IL7R: variants seen among roughly 807,000 people sequenced by gnomAD.
The protein encoded by IL7R is interleukin-7 receptor subunit alpha.
Under a neutral mutation model 47.0 loss-of-function variants are expected in IL7R, and 38 were observed. The observed-to-expected ratio is 0.81, with a 90% CI of 0.62 to 1.06. IL7R has a LOEUF of 1.06. IL7R is among the 50% of genes least tolerant of loss of function. The pLI is 0.00. For synonymous variants in IL7R, 221 were observed against 199.8 expected, an observed-to-expected ratio of 1.11 and a Z score of -0.89; for missense variants, 633 against 534.8, an observed-to-expected ratio of 1.18 and a Z score of -1.81.
chr5:35,866,055 G>A (rs1455981528), intron 2 of IL7R, among the ~76,000 whole-genome samples: 2 of 152,080 alleles, frequency 1.3e-5, no homozygotes, highest in Non-Finnish European at 2.9e-5. Context: ...ATAGGCTTTT[G>A]TAAATGCTCT....
In IL7R at chr5:35,860,937, C is replaced by T. The variant is rs267600609; in HGVS notation, c.168C>T (p.Thr56=). ...TGAATGGATCGCAGCACTCACTGACCTGTGCTTTTGAGGACCCAGATGTCA... is the reference window on the plus strand; with the variant it reads ...TGAATGGATCGCAGCACTCACTGACTTGTGCTTTTGAGGACCCAGATGTCA... The part of the protein sequence containing the change: ...LEVNGSQHSL[T]CAFEDPDVNI... The change falls in exon 2 of 8, where the codon ACC becomes ACT. Residue 56 remains threonine, a synonymous_variant. Transcript: ENST00000303115. 2 of 1,613,514 alleles carry T rather than the reference C, an allele frequency of 1.2e-6. No homozygotes were observed. Among genetic ancestry groups the T allele is most frequent in the East Asian group, 2.2e-5 (1 of 44,874 alleles).
At position 35,860,403 on chromosome 5, in the gene IL7R, A is replaced by C. The variant is rs144308222; in HGVS notation, c.83-449A>C. Among the ~76,000 whole-genome samples, 1,065 of 152,312 alleles carry C rather than the reference A, an allele frequency of 7.0e-3. 73 individuals are homozygous for C. The highest frequency in any genetic ancestry group is 0.065 in the Admixed American group (995 of 15,280). On this transcript the variant is annotated intron_variant, in intron 1 of 7. Transcript: ENST00000303115. ...CAAAAAAAATACTAGGGAGGGAATA[A>C]ATTATGATTTGTAATAAAGTGAAAA... is the stretch of plus-strand genomic sequence containing the variant.
rs555274790 is a variant in IL7R, at chr5:35,878,746, G to A, written c.*2260G>A. On this transcript the variant is annotated 3_prime_UTR_variant, in exon 8 of 8. Transcript: ENST00000303115. ...GGGAAAACTGGGACACAGGAAGACA[G>A]GTAAATTACCCAACCTCACACGTTA... 25 of 232,902 alleles carry A rather than the reference G, an allele frequency of 1.1e-4. No homozygotes were observed. Among genetic ancestry groups the A allele is most frequent in the Non-Finnish European group, 2.0e-4 (24 of 117,856 alleles). 14.4% of individuals were successfully genotyped at this position (232,902 alleles called of 1,614,324 possible).
intron 2 of IL7R, among the ~76,000 whole-genome samples, chr5:35,865,695 T>C (rs1759922091): frequency 1.3e-5 from 2 of 152,188 alleles, no homozygotes; most frequent in African/African-American, 4.8e-5. Flanking sequence ...TTGATTTGCA[T>C]TTCTCTGATG....
In IL7R at chr5:35,877,747, C is replaced by T. The variant is rs958547633; in HGVS notation, c.*1261C>T. ...CAATCTTGAAGATATACGGAAGAGACGTATTATTAATGCTTGACATATATC... is the reference window on the plus strand; with the variant it reads ...CAATCTTGAAGATATACGGAAGAGATGTATTATTAATGCTTGACATATATC... On this transcript the variant is annotated 3_prime_UTR_variant, in exon 8 of 8. Transcript: ENST00000303115. The T allele has an allele frequency of 5.1e-5, 12 of 233,092 alleles. No homozygotes were observed. The highest frequency in any genetic ancestry group is 1.2e-3 in the Middle Eastern group (1 of 808). 14.4% of individuals were successfully genotyped at this position (233,092 alleles called of 1,614,324 possible).
rs2149906477 is a variant in IL7R, at chr5:35,876,488, G to A, written c.*2G>A. On this transcript the variant is annotated 3_prime_UTR_variant, in exon 8 of 8. Transcript: ENST00000303115. The stretch of plus-strand genomic sequence containing the variant: ...TCCAGCTTCTACCAAAACCAGTGAA[G>A]TGTAAGAAACCCAGACTGAACTTAC... 6.2e-7 allele frequency: 1 copy of A among 1,601,382 alleles called. No individual in the cohort carries two copies. The highest frequency in any genetic ancestry group is 8.5e-7 in the Non-Finnish European group (1 of 1,179,924).
intron 2 of IL7R, among the ~76,000 whole-genome samples, chr5:35,864,449 C>T (rs890997894): frequency 3.9e-5 from 6 of 152,114 alleles, no homozygotes; most frequent in African/African-American, 1.4e-4. Flanking sequence ...TAAGAAACCG[C>T]CCAACAGTTT....
chr5:35,860,022 A>C lies in IL7R; in HGVS notation c.83-830A>C, dbSNP rs149588572. ...ATAGGGTCTACAAAACAGCTTAAGA[A>C]ACCAAATACTATGTGTGACAGATCA... is the stretch of plus-strand genomic sequence containing the variant. On this transcript the variant is annotated intron_variant, in intron 1 of 7. Transcript: ENST00000303115. 1.3e-3 allele frequency among the ~76,000 whole-genome samples: 193 copies of C among 152,268 alleles called. 2 individuals carry two copies. The highest frequency in any genetic ancestry group is 4.4e-3 in the African/African-American group (182 of 41,552).
intron 3 of IL7R, among the ~76,000 whole-genome samples, chr5:35,870,081 C>T (rs560405078): frequency 7.2e-5 from 11 of 152,306 alleles, no homozygotes; most frequent in South Asian, 2.1e-4. Flanking sequence ...TGAACAACTG[C>T]GCCTGAGATC....
chr5:35,874,627 C>T lies in IL7R; in HGVS notation c.800+85C>T, dbSNP rs1010539071. The T allele has an allele frequency of 2.4e-5, 24 of 1,020,230 alleles. 1 individual carries two copies. The Admixed American group carries it at 3.6e-4, about 15-fold the overall frequency. 63.2% of individuals were successfully genotyped at this position (1,020,230 alleles called of 1,614,324 possible). On this transcript the variant is annotated intron_variant, in intron 6 of 7. Coordinates refer to ENST00000303115, the MANE Select transcript of IL7R (RefSeq NM_002185.5). ...AAGCCCCATTTATTGATGAGAAAACCACAAAGGGGATTAAGGCATTTCACG... is the reference window on the plus strand; with the variant it reads ...AAGCCCCATTTATTGATGAGAAAACTACAAAGGGGATTAAGGCATTTCACG...
In IL7R at chr5:35,861,046, T is replaced by G. The variant is rs979093432; in HGVS notation, c.221+56T>G. 7 of 1,560,466 alleles carry G rather than the reference T, an allele frequency of 4.5e-6. No homozygotes were observed. In the Admixed American group the frequency reaches 5.0e-5, roughly 11 times the overall value. ...GACATCCTCTGTCTCTCTTTTCATA[T>G]GCTCTTTTTAATAGCCACAAAAGAA... On this transcript the variant is annotated intron_variant, in intron 2 of 7. Coordinates refer to ENST00000303115, the MANE Select transcript of IL7R (RefSeq NM_002185.5).
At position 35,868,948 on chromosome 5, in the gene IL7R, G is replaced by C. The variant is rs145973428; in HGVS notation, c.379+1485G>C. 6.7e-4 allele frequency among the ~76,000 whole-genome samples: 102 copies of C among 152,264 alleles called. 2 individuals carry two copies. The South Asian group carries it at 0.018, about 27-fold the overall frequency. ...CTGACATGCCTCCTCCGAACGGCAA[G>C]GGGGAGAGGTACGTATGGTACACAC... On this transcript the variant is annotated intron_variant, in intron 3 of 7. Coordinates refer to ENST00000303115, the MANE Select transcript of IL7R (RefSeq NM_002185.5).
chr5:35,860,037 G>A (rs1036012463), intron 1 of IL7R, among the ~76,000 whole-genome samples: 2 of 151,606 alleles, frequency 1.3e-5, no homozygotes, highest in Admixed American at 6.6e-5. Flanking sequence ...AATACTATGT[G>A]TGACAGATCA....
At chr5:35,862,722 A>C (rs1314504583) in intron 2 of IL7R, among the ~76,000 whole-genome samples, 1 of 152,170 alleles carries the variant, frequency 6.6e-6, no homozygotes, top group Non-Finnish European at 1.5e-5. Context: ...ATACCATTTT[A>C]GATCCTCCTT....
intron 2 of IL7R, among the ~76,000 whole-genome samples, chr5:35,861,630 A>T (rs1201944037): frequency 6.6e-6 from 1 of 152,152 alleles, no homozygotes; most frequent in Non-Finnish European, 1.5e-5. Flanking sequence ...TGATCCTCTC[A>T]ATGTAAATTT....
chr5:35,863,442 G>A (rs773030962), intron 2 of IL7R, among the ~76,000 whole-genome samples: 13 of 152,100 alleles, frequency 8.5e-5, no homozygotes, highest in Non-Finnish European at 1.3e-4. Flanking sequence ...AACCATTCTC[G>A]AAAGGACTCA....
intron 4 of IL7R, among the ~76,000 whole-genome samples, chr5:35,872,585 A>G (rs192989922): frequency 6.6e-6 from 1 of 152,234 alleles, no homozygotes; most frequent in African/African-American, 2.4e-5. Context: ...TAAGGAAATT[A>G]TATAAAAGTG....
chr5:35,876,640 C>G lies in IL7R; in HGVS notation c.*154C>G. On this transcript the variant is annotated 3_prime_UTR_variant, in exon 8 of 8. Coordinates refer to ENST00000303115, the MANE Select transcript of IL7R (RefSeq NM_002185.5). ...AGATTCTGAAACATTGCTTTGACCA[C>G]TCTTCCTGAGTTCAGTGGCACTCAA... 1 of 800,306 alleles carries G rather than the reference C, an allele frequency of 1.2e-6. No homozygotes were observed. The highest frequency in any genetic ancestry group is 2.1e-6 in the Non-Finnish European group (1 of 484,032). The allele number at this position is 800,306 out of a possible 1,614,324, so 49.6% of individuals were successfully genotyped here.
rs760005945 is a variant in IL7R at position 35,871,115 on chromosome 5, G to T, written c.439G>T (p.Val147Leu). The T allele has an allele frequency of 6.2e-6, 10 of 1,612,110 alleles. No individual in the cohort carries two copies. The African/African-American group carries it at 1.3e-4, about 22-fold the overall frequency. ...CTATCGGGAAGGAGCCAATGACTTT[G>T]TGGTGACATTTAATACATCACACTT... is the stretch of plus-strand genomic sequence containing the variant. ...VVYREGANDFVVTFNTSHLQK... is the reference protein window; with the variant it reads ...VVYREGANDFLVTFNTSHLQK... The change falls in exon 4 of 8, where the codon GTG becomes TTG. Residue 147 changes from valine (V) to leucine (L), a missense_variant. Val to Leu is a conservative substitution (Grantham distance 32). Coordinates refer to ENST00000303115, the MANE Select transcript of IL7R (RefSeq NM_002185.5).
Sources: gnomAD v4.1 joint callset for allele counts (sites outside exome capture counted in the v4.1 genomes callset) on GRCh38, gnomAD v4.1.1 for gene constraint, MANE v1.5 for transcripts, NCBI Gene and HGNC (gene_info 2026-07-23, HGNC 2026-07-21) for gene names.